Variants in ASIC2 observed in about 807,000 individuals in gnomAD.
The protein encoded by ASIC2 is acid sensing ion channel subunit 2, also known as acid-sensing ion channel 2.
Under a neutral mutation model 57.3 loss-of-function variants are expected in ASIC2, and 25 were observed. The ratio of observed to expected loss-of-function variants is 0.44; its 90% CI spans 0.32 to 0.61. The LOEUF is 0.61. Among genes scored for constraint, ASIC2 ranks in the 20% least tolerant of loss-of-function variants. The probability of loss-of-function intolerance (pLI) is 0.06; values close to 1 mark genes in which losing one functional copy is unlikely to be tolerated. For synonymous variants in ASIC2, 319 were observed against 307.5 expected (o/e 1.04, Z -0.39); for missense variants, 641 against 738.1 (o/e 0.87, Z 1.52).
At chr17:33,895,250 C>T (rs1185893178) in intron 1 of ASIC2, among the ~76,000 whole-genome samples, 1 of 151,698 alleles carries the variant, frequency 6.6e-6, no homozygotes, top group South Asian at 2.1e-4. Context: ...GCAACCTCTG[C>T]CTCCTGGGTT....
intron 1 of ASIC2, among the ~76,000 whole-genome samples, chr17:33,278,768 T>C (rs1337542331): frequency 6.6e-6 from 1 of 152,120 alleles, no homozygotes; most frequent in Admixed American, 6.5e-5. Context: ...TTTTTTTTTT[T>C]GGTGGAACTA....
At chr17:33,083,328 T>C (rs2092120782) in intron 3 of ASIC2, among the ~76,000 whole-genome samples, 1 of 151,704 alleles carries the variant, frequency 6.6e-6, no homozygotes, top group African/African-American at 2.4e-5. Context: ...GGAGCAGTGA[T>C]CCACATGAAG....
At chr17:33,303,531 C>T (rs545972498) in intron 1 of ASIC2, among the ~76,000 whole-genome samples, 20 of 152,330 alleles carry the variant, frequency 1.3e-4, no homozygotes, top group African/African-American at 4.8e-4. Flanking sequence ...ACAGCAACTA[C>T]ATGGCCACAA....
chr17:33,936,231 G>A (rs1916056324), intron 1 of ASIC2: 1 of 152,260 alleles, frequency 6.6e-6, no homozygotes. Context: ...CAGTCTCAGG[G>A]ATCAGTGCCC....
chr17:33,633,102 G>T (rs1248593254), intron 1 of ASIC2, among the ~76,000 whole-genome samples: 1 of 152,186 alleles, frequency 6.6e-6, no homozygotes, highest in Non-Finnish European at 1.5e-5. Flanking sequence ...TTTTGCCTCA[G>T]TGCTGCCTTT....
chr17:33,222,026 C>G (rs1230882071), intron 1 of ASIC2, among the ~76,000 whole-genome samples: 1 of 152,094 alleles, frequency 6.6e-6, no homozygotes, highest in East Asian at 1.9e-4. Flanking sequence ...TAACTATTCC[C>G]TAGGATTAGG....
Position 34,156,406 on chromosome 17 carries a change from C to A in ASIC2, c.127G>T (p.Val43Leu). 6.2e-7 allele frequency: 1 copy of A among 1,614,204 alleles called. No individual in the cohort carries two copies. The highest frequency in any genetic ancestry group is 8.5e-7 in the Non-Finnish European group (1 of 1,180,048). ...CCCACGAAGGCCACTGCCCACAGCACACGCCGGATGGTCAGCGGCCCATAC... is the reference window on the plus strand; with the variant it reads ...CCCACGAAGGCCACTGCCCACAGCAAACGCCGGATGGTCAGCGGCCCATAC... Residue 43 changes from valine to leucine, a missense_variant, in exon 1 of 10, where the codon GTG becomes TTG. Transcript: ENST00000359872. The surrounding 1 kb of genome is among the most constrained non-coding windows in gnomAD (Gnocchi z 4.4).
At chr17:33,483,802 C>A (rs774677054) in intron 1 of ASIC2, among the ~76,000 whole-genome samples, 4 of 152,182 alleles carry the variant, frequency 2.6e-5, no homozygotes, top group African/African-American at 9.6e-5. Flanking sequence ...AAATTGTCCA[C>A]GTATTAGTCC....
At chr17:33,515,053 C>T (rs1042954965) in intron 1 of ASIC2, among the ~76,000 whole-genome samples, 1 of 152,178 alleles carries the variant, frequency 6.6e-6, no homozygotes, top group Non-Finnish European at 1.5e-5. Flanking sequence ...GTCATAGGTG[C>T]CAGTAAGTAT....
intron 1 of ASIC2, among the ~76,000 whole-genome samples, chr17:33,200,014 G>A (rs566329489): frequency 2.2e-4 from 34 of 152,124 alleles, no homozygotes; most frequent in African/African-American, 8.0e-4. Flanking sequence ...CTCTGTCCCA[G>A]CTTCCTGCCT....
intron 1 of ASIC2, among the ~76,000 whole-genome samples, chr17:33,599,648 C>T (rs1177351391): frequency 6.6e-6 from 1 of 152,214 alleles, no homozygotes; most frequent in Non-Finnish European, 1.5e-5. Context: ...GGACTGAACA[C>T]AGGCCAGTGT....
At chr17:33,430,767 G>T (rs9890047) in intron 1 of ASIC2, among the ~76,000 whole-genome samples, 3 of 152,128 alleles carry the variant, frequency 2.0e-5, no homozygotes, top group South Asian at 4.2e-4. Context: ...AAAAACAAAC[G>T]ATTAAAAAAC....
intron 1 of ASIC2, chr17:34,038,344 G>A: frequency 1.9e-6 from 3 of 1,610,756 alleles, no homozygotes; most frequent in Non-Finnish European, 2.5e-6. Context: ...CCAGTGAAAA[G>A]TAATCATACA....
At position 33,724,511 on chromosome 17, in the gene ASIC2, CTG is replaced by C. The variant is rs1909485746; in HGVS notation, c.555+431465_555+431466del. Among the ~76,000 whole-genome samples the C allele has an allele frequency of 2.0e-5, 3 of 152,084 alleles. No individual in the cohort carries two copies. The South Asian group carries it at 6.2e-4, about 32-fold the overall frequency. On this transcript the variant is annotated intron_variant, in intron 1 of 9. Coordinates refer to the ASIC2 transcript ENST00000359872. ...GAAGACCTGGGAGAGCTGAAGGTGA[CTG>C]AGTCCAGATGTGAAGGAGCGGAGGA...
chr17:34,077,886 A>G (rs1909730807), intron 1 of ASIC2, among the ~76,000 whole-genome samples: 1 of 152,040 alleles, frequency 6.6e-6, no homozygotes, highest in East Asian at 1.9e-4. Flanking sequence ...ACCCCAGAAC[A>G]TGGCACTCAA....
chr17:33,731,299 G>C (rs1367464012), intron 1 of ASIC2, among the ~76,000 whole-genome samples: 2 of 152,196 alleles, frequency 1.3e-5, no homozygotes, highest in African/African-American at 4.8e-5. Context: ...CTTTAGGACA[G>C]ACATTGCCAT....
chr17:33,450,946 A>G (rs1279772609), intron 1 of ASIC2, among the ~76,000 whole-genome samples: 2 of 152,176 alleles, frequency 1.3e-5, no homozygotes, highest in Non-Finnish European at 2.9e-5. Flanking sequence ...CTATCCTGAC[A>G]TGTTCTCTTA....
At chr17:34,147,737 T>C (rs1281791940) in intron 1 of ASIC2, among the ~76,000 whole-genome samples, 5 of 152,160 alleles carry the variant, frequency 3.3e-5, no homozygotes, top group African/African-American at 1.2e-4. Context: ...AAGGTAGATA[T>C]TTTAACTCAG....
intron 1 of ASIC2, among the ~76,000 whole-genome samples, chr17:33,158,705 G>A (rs868150729): frequency 2.6e-5 from 4 of 152,194 alleles, no homozygotes; most frequent in South Asian, 4.1e-4. Context: ...GAGTGACTTC[G>A]GGCAAGCCGT....
Sources: gnomAD v4.1 joint callset for allele counts (sites outside exome capture counted in the v4.1 genomes callset) on GRCh38, gnomAD v4.1.1 for gene constraint, Gnocchi (gnomAD v3.1) non-coding constraint, MANE v1.5 for transcripts, NCBI Gene and HGNC (gene_info 2026-07-23, HGNC 2026-07-21) for gene names.